Variants in ZNF469 observed in about 807,000 individuals in gnomAD.
ZNF469 encodes the protein zinc finger protein 469.
In ZNF469, 1 loss-of-function variant was observed where a neutral mutation model predicts 1.0. That is an observed-to-expected ratio of 1.00 (90% CI 0.35 to 4.73). The LOEUF (loss-of-function observed/expected upper bound fraction) is 4.73. Ranked by LOEUF, ZNF469 falls within the 30% of genes most tolerant of loss-of-function variation. ZNF469 has a pLI of 0.16. For missense variants in ZNF469, 6,100 were observed against 5,356.3 expected (o/e 1.14, Z -4.33); for synonymous variants, 2,703 against 2,363.4 (o/e 1.14, Z -4.17).
the ZNF469 span, among the ~76,000 whole-genome samples, chr16:88,316,217 C>T: frequency 6.6e-6 from 1 of 152,228 alleles, no homozygotes; most frequent in African/African-American, 2.4e-5. Flanking sequence ...TAAGTCAGAA[C>T]CCGCAGGGCT....
chr16:88,217,598 C>G, the ZNF469 span, among the ~76,000 whole-genome samples: 2 of 109,398 alleles, frequency 1.8e-5, no homozygotes, highest in Non-Finnish European at 3.7e-5. Context: ...CCCCTCCCCC[C>G]ACCCCACCAC....
chr16:88,437,688 C>T lies in ZNF469; in HGVS notation c.10218C>T (p.Leu3406=). The change falls in exon 3 of 3, where the codon CTC becomes CTT. Residue 3406 remains leucine (L), a synonymous_variant. Transcript: ENST00000565624. ...LQHTPLYACE[L]CATVMRIIKK... ...ACACGCCGCTGTATGCCTGCGAGCT[C>T]TGCGCCACGGTTATGCGCATCATCA... 1 of 1,549,664 alleles carries T rather than the reference C, an allele frequency of 6.5e-7. No individual in the cohort carries two copies. Among genetic ancestry groups the T allele is most frequent in the South Asian group, 1.2e-5 (1 of 84,058 alleles).
chr16:88,224,582 C>G, the ZNF469 span, among the ~76,000 whole-genome samples: 10 of 152,324 alleles, frequency 6.6e-5, no homozygotes, highest in African/African-American at 2.2e-4. Context: ...GATGAGGAGA[C>G]TGAGGCGCAG....
At chr16:88,197,869 C>T in the ZNF469 span, among the ~76,000 whole-genome samples, 2 of 152,230 alleles carry the variant, frequency 1.3e-5, no homozygotes, top group African/African-American at 4.8e-5. Context: ...AACCAGCTCC[C>T]CAGGGACCAG....
At chr16:88,155,126 G>A in the ZNF469 span, among the ~76,000 whole-genome samples, 1 of 152,210 alleles carries the variant, frequency 6.6e-6, no homozygotes, top group African/African-American at 2.4e-5. Flanking sequence ...GGCTAGGCTG[G>A]CACAGGTGAG....
the ZNF469 span, among the ~76,000 whole-genome samples, chr16:88,366,901 C>G: frequency 7.9e-5 from 12 of 152,218 alleles, no homozygotes; most frequent in African/African-American, 2.9e-4. Flanking sequence ...TCATCATCAC[C>G]AAGACCATCA....
the ZNF469 span, among the ~76,000 whole-genome samples, chr16:88,296,682 G>A: frequency 3.8e-3 from 580 of 151,092 alleles, 4 homozygotes; most frequent in African/African-American, 0.013. Flanking sequence ...ATGCACACTC[G>A]TGCACACTCA....
rs767246206 is a variant in ZNF469, at chr16:88,429,168, C to T, written c.1698C>T (p.Ala566=). ...PGAQPLFFGV[A]QPQVSPHGTP... ...CTCAGCCCCTGTTCTTCGGGGTGGC[C>T]CAGCCCCAGGTTTCACCCCACGGGA... is the stretch of plus-strand genomic sequence containing the variant. The change falls in exon 3 of 3, where the codon GCC becomes GCT. Residue 566 remains alanine, a synonymous_variant. Coordinates refer to ENST00000565624, the MANE Select transcript of ZNF469 (RefSeq NM_001367624.2). 1.7e-5 allele frequency: 27 copies of T among 1,549,806 alleles called. No individual in the cohort carries two copies. Among genetic ancestry groups the T allele is most frequent in the Admixed American group, 5.9e-5 (3 of 50,988 alleles).
the ZNF469 span, among the ~76,000 whole-genome samples, chr16:88,162,100 A>G: frequency 1.3e-5 from 2 of 152,224 alleles, no homozygotes; most frequent in African/African-American, 4.8e-5. Context: ...TGGTACGTAC[A>G]CAAATAGCCT....
chr16:88,396,079 G>A (rs1312085287), intron 1 of ZNF469, among the ~76,000 whole-genome samples: 6 of 152,214 alleles, frequency 3.9e-5, no homozygotes, highest in Admixed American at 2.0e-4. Flanking sequence ...CCTTCTCCCC[G>A]TAATCCCACT....
the ZNF469 span, among the ~76,000 whole-genome samples, chr16:88,230,352 G>A: frequency 3.3e-5 from 5 of 152,334 alleles, no homozygotes; most frequent in East Asian, 9.7e-4. Flanking sequence ...GGCCCCCAGA[G>A]GCAGGCCTTG....
At chr16:88,246,887 GTGAGTGAA>G in the ZNF469 span, among the ~76,000 whole-genome samples, 5 of 151,172 alleles carry the variant, frequency 3.3e-5, no homozygotes, top group Middle Eastern at 3.2e-3. Context: ...GAATGAATGA[GTGAGTGAA>G]TGAGTGAATG....
At chr16:88,232,435 A>T in the ZNF469 span, among the ~76,000 whole-genome samples, 1 of 151,546 alleles carries the variant, frequency 6.6e-6, no homozygotes, top group Non-Finnish European at 1.5e-5. Flanking sequence ...CAGCTGGACC[A>T]GGCCTGGGAC....
chr16:88,403,360 T>C (rs772390187), intron 1 of ZNF469, among the ~76,000 whole-genome samples: 3 of 152,256 alleles, frequency 2.0e-5, no homozygotes, highest in Non-Finnish European at 2.9e-5. Flanking sequence ...TTGGTGGCTC[T>C]GGGTTCCGTC....
At chr16:88,282,489 C>T in the ZNF469 span, among the ~76,000 whole-genome samples, 4 of 152,084 alleles carry the variant, frequency 2.6e-5, no homozygotes, top group African/African-American at 7.2e-5. Context: ...TTTTGACCCC[C>T]GCTGTGGAGG....
the ZNF469 span, among the ~76,000 whole-genome samples, chr16:88,338,203 C>T: frequency 2.0e-5 from 3 of 152,142 alleles, no homozygotes; most frequent in Admixed American, 2.0e-4. Flanking sequence ...CTCCAATCGC[C>T]TGGGGAGAGA....
intron 1 of ZNF469, among the ~76,000 whole-genome samples, chr16:88,419,248 C>T (rs1348829725): frequency 1.3e-5 from 2 of 152,212 alleles, no homozygotes; most frequent in African/African-American, 4.8e-5. Flanking sequence ...CAGCAGGGGA[C>T]GGTGCCCAGG....
At chr16:88,183,908 G>C in the ZNF469 span, among the ~76,000 whole-genome samples, 1 of 152,100 alleles carries the variant, frequency 6.6e-6, no homozygotes, top group African/African-American at 2.4e-5. Context: ...CATGGGCTTG[G>C]GGGAGGGAGG....
the ZNF469 span, among the ~76,000 whole-genome samples, chr16:88,214,466 T>G: frequency 7.9e-6 from 1 of 126,158 alleles, no homozygotes; most frequent in Non-Finnish European, 1.7e-5. Context: ...CTTTTAGTTC[T>G]TTTGAGTTTT....
Sources: gnomAD v4.1 joint callset for allele counts (sites outside exome capture counted in the v4.1 genomes callset) on GRCh38, gnomAD v4.1.1 for gene constraint, MANE v1.5 for transcripts, NCBI Gene and HGNC (gene_info 2026-07-23, HGNC 2026-07-21) for gene names.